Variants in PCCA observed in about 807,000 individuals in gnomAD.
PCCA encodes propionyl-CoA carboxylase subunit alpha, also known as propionyl-CoA carboxylase alpha chain, mitochondrial.
In PCCA, 74 loss-of-function variants were observed where a neutral mutation model predicts 101.3. That is an observed-to-expected ratio of 0.73 (90% CI 0.61 to 0.89). The LOEUF is 0.89. Among genes scored for constraint, PCCA ranks in the 40% least tolerant of loss-of-function variants. The probability of loss-of-function intolerance (pLI) is 0.00; values close to 1 mark genes in which losing one functional copy is unlikely to be tolerated. For synonymous variants in PCCA, 294 were observed against 313.6 expected (o/e 0.94, Z 0.66); for missense variants, 891 against 907.0 (o/e 0.98, Z 0.23).
intron 21 of PCCA, among the ~76,000 whole-genome samples, chr13:100,478,151 A>T (rs2083569284): frequency 6.6e-6 from 1 of 152,204 alleles, no homozygotes. Flanking sequence ...GTCTGAGGAC[A>T]TATTTATTTT....
intron 5 of PCCA, 128 bp downstream of exon 5, chr13:100,155,220 T>C: frequency 1.4e-6 from 1 of 706,306 alleles, no homozygotes; most frequent in Non-Finnish European, 2.5e-6. Context: ...TCATGTCACA[T>C]GAGTTAAATG....
intron 21 of PCCA, among the ~76,000 whole-genome samples, chr13:100,477,071 G>C (rs1357191730): frequency 6.6e-6 from 1 of 152,124 alleles, no homozygotes; most frequent in East Asian, 1.9e-4. Flanking sequence ...AATTTACCGG[G>C]TAATGACCGA....
At chr13:100,236,295 A>G (rs2060794685) in intron 8 of PCCA, among the ~76,000 whole-genome samples, 1 of 152,218 alleles carries the variant, frequency 6.6e-6, no homozygotes, top group Non-Finnish European at 1.5e-5. Flanking sequence ...TTAGGTATCA[A>G]CTTAATCTTG....
chr13:100,365,282 G>A (rs2075053148), intron 18 of PCCA, among the ~76,000 whole-genome samples: 1 of 152,098 alleles, frequency 6.6e-6, no homozygotes, highest in Admixed American at 6.6e-5. Flanking sequence ...CCCCTCCTGG[G>A]ACAAATTATA....
intron 21 of PCCA, among the ~76,000 whole-genome samples, chr13:100,513,793 G>A (rs1457707115): frequency 6.6e-6 from 1 of 152,232 alleles, no homozygotes; most frequent in Non-Finnish European, 1.5e-5. Context: ...CACGTCGTAA[G>A]TCAGTCACAC....
chr13:100,206,954 C>A (rs2058892594), intron 6 of PCCA, among the ~76,000 whole-genome samples: 4 of 152,208 alleles, frequency 2.6e-5, no homozygotes, highest in Admixed American at 2.6e-4. Flanking sequence ...TCCGTGCTAT[C>A]ATTTCTCCAT....
At chr13:100,214,354 A>C (rs2152486694) in intron 7 of PCCA, among the ~76,000 whole-genome samples, 1 of 151,216 alleles carries the variant, frequency 6.6e-6, no homozygotes, top group South Asian at 2.1e-4. Context: ...TGAATGTAGA[A>C]TCTCTTTGCA....
chr13:100,237,954 T>TTG (rs2060903138), intron 8 of PCCA, among the ~76,000 whole-genome samples: 1 of 149,560 alleles, frequency 6.7e-6, no homozygotes, highest in African/African-American at 2.5e-5. Flanking sequence ...TTTTTTTTTT[T>TTG]GAGACAGACT....
chr13:100,150,727 T>G (rs1217192586), intron 4 of PCCA: 11 of 1,584,356 alleles, frequency 6.9e-6, no homozygotes, highest in Non-Finnish European at 8.6e-6. Context: ...ATGTGGAATC[T>G]TCACCAACCC....
chr13:100,429,242 T>C (rs1402058161), intron 20 of PCCA, among the ~76,000 whole-genome samples: 1 of 152,048 alleles, frequency 6.6e-6, no homozygotes, highest in East Asian at 1.9e-4. Context: ...TTTCTCTCTC[T>C]GCTTGCTTCC....
In PCCA at chr13:100,167,810, G is replaced by A. The variant is rs550609148; in HGVS notation, c.468+10470G>A. On this transcript the variant is annotated intron_variant, in intron 6 of 23. Coordinates refer to ENST00000376285, the MANE Select transcript of PCCA (RefSeq NM_000282.4). ...TTGCCTTGGCACCCTTGCAGAAAAA[G>A]TAATGGGACATACATGTGCGATCTC... is the stretch of plus-strand genomic sequence containing the variant. Among the ~76,000 whole-genome samples the A allele has an allele frequency of 8.5e-5, 13 of 152,222 alleles. No homozygotes were observed. The South Asian group carries it at 2.5e-3, about 29-fold the overall frequency.
intron 8 of PCCA, among the ~76,000 whole-genome samples, chr13:100,241,140 G>T (rs536444642): frequency 3.3e-5 from 5 of 152,150 alleles, no homozygotes; most frequent in Middle Eastern, 3.4e-3. Flanking sequence ...GCACAATTCG[G>T]TGATTTTTTG....
At chr13:100,381,211 C>T (rs1034800533) in intron 19 of PCCA, among the ~76,000 whole-genome samples, 16 of 152,096 alleles carry the variant, frequency 1.1e-4, no homozygotes, top group Admixed American at 2.0e-4. Context: ...AGTGAAACCC[C>T]GTCTCTACTA....
rs79356076 is a variant in PCCA at position 100,325,459 on chromosome 13, C to T, written c.1430-5102C>T. Among the ~76,000 whole-genome samples, 525 of 152,170 alleles carry T rather than the reference C, an allele frequency of 3.5e-3. 8 individuals are homozygous for T. The highest frequency in any genetic ancestry group is 0.012 in the African/African-American group (510 of 41,534). On this transcript the variant is annotated intron_variant, in intron 16 of 23. Coordinates refer to ENST00000376285, the MANE Select transcript of PCCA (RefSeq NM_000282.4). ...TGCCAACTAAGAGGCAGCATTAAGA[C>T]ACCATTAAGAAAATCATTGAAGAGA...
intron 4 of PCCA, chr13:100,149,304 T>G (rs1261121446): frequency 6.6e-6 from 1 of 152,030 alleles, no homozygotes; most frequent in African/African-American, 2.4e-5. Flanking sequence ...TGTGGTAAAA[T>G]GCTTATAAGG....
chr13:100,111,963 AT>A (rs1566492214), intron 3 of PCCA, 29 bp from the exon 4 acceptor site: 1 of 1,566,556 alleles, frequency 6.4e-7, no homozygotes, highest in East Asian at 2.3e-5. Flanking sequence ...GTGAATCACT[AT>A]TAATAGACAT....
intron 21 of PCCA, among the ~76,000 whole-genome samples, chr13:100,512,482 A>AT (rs900806072): frequency 3.9e-5 from 6 of 151,940 alleles, no homozygotes; most frequent in Admixed American, 1.3e-4. Context: ...TTTCAAGAAC[A>AT]TTTTTTTTCA....
chr13:100,235,009 G>T (rs1275135933), intron 7 of PCCA, among the ~76,000 whole-genome samples: 1 of 152,076 alleles, frequency 6.6e-6, no homozygotes, highest in African/African-American at 2.4e-5. Flanking sequence ...TGTGTTGGAT[G>T]TGTTAGGTGA....
intron 20 of PCCA, among the ~76,000 whole-genome samples, chr13:100,426,577 C>T (rs76426386): frequency 0.031 from 4,666 of 152,120 alleles, 247 homozygotes; most frequent in African/African-American, 0.11. Context: ...TATGAGAGAC[C>T]GGGATAGTGG....
Sources: gnomAD v4.1 joint callset for allele counts (sites outside exome capture counted in the v4.1 genomes callset) on GRCh38, gnomAD v4.1.1 for gene constraint, MANE v1.5 for transcripts, NCBI Gene and HGNC (gene_info 2026-07-23, HGNC 2026-07-21) for gene names.